NTRK3: variants seen among roughly 807,000 people sequenced by gnomAD.
NTRK3 encodes neurotrophic receptor tyrosine kinase 3.
In NTRK3, 24 loss-of-function variants were observed where a neutral mutation model predicts 91.7. The ratio of observed to expected loss-of-function variants is 0.26; its 90% CI spans 0.19 to 0.37. The LOEUF is 0.37. Among genes scored for constraint, NTRK3 ranks in the 10% least tolerant of loss-of-function variants. The pLI is 1.00. For missense variants in NTRK3, 880 were observed against 1,068.9 expected (o/e 0.82, Z 2.46); for synonymous variants, 483 against 404.0 (o/e 1.20, Z -2.34).
intron 17 of NTRK3, among the ~76,000 whole-genome samples, chr15:87,910,379 G>A (rs1286819143): frequency 6.6e-6 from 1 of 152,214 alleles, no homozygotes; most frequent in Non-Finnish European, 1.5e-5. Flanking sequence ...TAAAGAGACA[G>A]GTTCAGAAAT....
intron 14 of NTRK3, among the ~76,000 whole-genome samples, chr15:88,018,477 T>A: frequency 6.6e-6 from 1 of 152,186 alleles, no homozygotes. Context: ...CTTTGACCAG[T>A]AAATGACCTT....
intron 13 of NTRK3, among the ~76,000 whole-genome samples, chr15:88,052,410 C>T (rs1241570026): frequency 6.6e-6 from 1 of 152,210 alleles, no homozygotes; most frequent in East Asian, 1.9e-4. Flanking sequence ...AGTTGGAACC[C>T]TGGTCAGTCA....
chr15:88,061,714 G>A (rs765519520), intron 13 of NTRK3, among the ~76,000 whole-genome samples: 14 of 152,204 alleles, frequency 9.2e-5, no homozygotes, highest in Non-Finnish European at 2.1e-4. Flanking sequence ...AGAGAGGCTG[G>A]GCTGGTTCCA....
At chr15:88,032,157 G>A (rs1465638927) in intron 14 of NTRK3, among the ~76,000 whole-genome samples, 1 of 152,112 alleles carries the variant, frequency 6.6e-6, no homozygotes, top group African/African-American at 2.4e-5. Flanking sequence ...GCACACAGCA[G>A]GAGGAACCCT....
chr15:87,987,665 G>C (rs935834741), intron 14 of NTRK3, among the ~76,000 whole-genome samples: 1 of 151,528 alleles, frequency 6.6e-6, no homozygotes, highest in Non-Finnish European at 1.5e-5. Flanking sequence ...TTTTAACTTT[G>C]TATACAGTAC....
intron 13 of NTRK3, among the ~76,000 whole-genome samples, chr15:88,057,445 C>T (rs1452703747): frequency 4.7e-5 from 7 of 150,084 alleles, no homozygotes; most frequent in African/African-American, 1.7e-4. Flanking sequence ...TTGCAGTGAG[C>T]TGAGATTGTG....
rs79715474 is a variant in NTRK3, at chr15:88,097,654, C to A, written c.1396+28617G>T. 2.0e-5 allele frequency among the ~76,000 whole-genome samples: 3 copies of A among 152,148 alleles called. No individual in the cohort carries two copies. In the East Asian group the frequency reaches 5.8e-4, roughly 29 times the overall value. ...ATTTGTAACTTAAGTGACCAATAAACGGGGAATGATTAAATTTAAAAAGAC... is the reference window on the plus strand; with the variant it reads ...ATTTGTAACTTAAGTGACCAATAAAAGGGGAATGATTAAATTTAAAAAGAC... On this transcript the variant is annotated intron_variant, in intron 13 of 18. Coordinates refer to ENST00000394480, the Ensembl canonical transcript of NTRK3.
At chr15:88,180,590 C>A (rs1275688699) in intron 5 of NTRK3, among the ~76,000 whole-genome samples, 2 of 150,162 alleles carry the variant, frequency 1.3e-5, no homozygotes, top group Non-Finnish European at 3.0e-5. Context: ...ACAACTTGAC[C>A]AATCTGACAT....
chr15:87,961,445 C>T (rs187760925), intron 14 of NTRK3, among the ~76,000 whole-genome samples: 10 of 152,330 alleles, frequency 6.6e-5, no homozygotes, highest in African/African-American at 2.4e-5. Flanking sequence ...TTTTTAAAGT[C>T]GCATTTAATT....
intron 13 of NTRK3, among the ~76,000 whole-genome samples, chr15:88,088,772 T>C (rs990371511): frequency 2.0e-5 from 3 of 152,182 alleles, no homozygotes; most frequent in African/African-American, 7.2e-5. Flanking sequence ...GCATAGTTCC[T>C]ATCTTGGAAG....
chr15:88,086,393 T>C (rs1173091292), intron 13 of NTRK3, among the ~76,000 whole-genome samples: 9 of 151,972 alleles, frequency 5.9e-5, no homozygotes, highest in East Asian at 1.9e-4. Flanking sequence ...GGACCTACCA[T>C]GAGCAAAAAA....
chr15:88,038,041 T>A (rs1378853050), intron 13 of NTRK3, among the ~76,000 whole-genome samples: 5 of 152,130 alleles, frequency 3.3e-5, no homozygotes, highest in African/African-American at 1.2e-4. Flanking sequence ...GGGAAAGAAT[T>A]TATGCAAAGG....
rs564430233 is a variant in NTRK3 at position 88,157,526 on chromosome 15, C to T, written c.396-10123G>A. On this transcript the variant is annotated intron_variant, in intron 5 of 18. Transcript: ENST00000394480. Reference sequence around the variant, plus strand: ...AGGACCAGGAGCTGACTCTGTGAGCCCAGGTCCCAGAGCCAGCAGCCCTTC... The same window carrying T: ...AGGACCAGGAGCTGACTCTGTGAGCTCAGGTCCCAGAGCCAGCAGCCCTTC... Among the ~76,000 whole-genome samples, 3 of 151,930 alleles carry T rather than the reference C, an allele frequency of 2.0e-5. No homozygotes were observed. In the South Asian group the frequency reaches 6.3e-4, roughly 32 times the overall value.
chr15:88,255,956 A>G lies in NTRK3; in HGVS notation c.198T>C (p.Asn66=). 6 of 1,613,096 alleles carry G rather than the reference A, an allele frequency of 3.7e-6. No individual in the cohort carries two copies. The highest frequency in any genetic ancestry group is 5.1e-6 in the Non-Finnish European group (6 of 1,179,474). Residue 66 remains asparagine, a synonymous_variant, in exon 3 of 19, where the codon AAT becomes AAC. Coordinates refer to ENST00000394480, the Ensembl canonical transcript of NTRK3. The surrounding 1 kb of genome is among the most constrained non-coding windows in gnomAD (Gnocchi z 4.3). ...CCGTGATGTTGATACTGGCGTTCCC[A>G]TTGCTGTTCCCTGAATCCTGCCCTT...
exon 19 of NTRK3, chr15:87,875,924 T>G (rs536527357): frequency 4.3e-6 from 1 of 231,780 alleles, no homozygotes; most frequent in East Asian, 6.1e-5. Context: ...ATTGCAACCC[T>G]AAAGCGTGCT....
At chr15:87,901,933 C>T (rs2066482733) in intron 17 of NTRK3, among the ~76,000 whole-genome samples, 1 of 151,986 alleles carries the variant, frequency 6.6e-6, no homozygotes, top group Admixed American at 6.6e-5. Flanking sequence ...CTTATACATT[C>T]TAAATTAAAA....
intron 3 of NTRK3, among the ~76,000 whole-genome samples, chr15:88,250,285 A>G (rs2053220914): frequency 6.6e-6 from 1 of 152,206 alleles, no homozygotes; most frequent in Admixed American, 6.5e-5. Flanking sequence ...TCCATTTGTG[A>G]GCTATGACAA....
intron 5 of NTRK3, among the ~76,000 whole-genome samples, chr15:88,167,505 T>C (rs1340716164): frequency 6.6e-6 from 1 of 152,262 alleles, no homozygotes; most frequent in East Asian, 1.9e-4. Context: ...GATTCCTCAC[T>C]AGTAAAACAG....
chr15:88,223,686 T>C (rs959071916), intron 3 of NTRK3, among the ~76,000 whole-genome samples: 2 of 152,168 alleles, frequency 1.3e-5, no homozygotes, highest in Non-Finnish European at 2.9e-5. Context: ...CTTATATATG[T>C]AATGGGCATA....
Sources: allele counts gnomAD v4.1 joint callset (sites outside exome capture counted in the v4.1 genomes callset), GRCh38; gene constraint gnomAD v4.1.1; non-coding constraint Gnocchi (gnomAD v3.1); transcripts MANE v1.5; gene names NCBI Gene and HGNC (gene_info 2026-07-23, HGNC 2026-07-21).